DST: variants seen among roughly 807,000 people sequenced by gnomAD.
DST encodes dystonin.
In DST, 253 loss-of-function variants were observed where a neutral mutation model predicts 875.2. That is an observed-to-expected ratio of 0.29 (90% CI 0.26 to 0.32). DST has a LOEUF of 0.32. Ranked by LOEUF, DST falls within the 10% of genes least tolerant of loss-of-function variation. DST has a pLI of 1.00. For synonymous variants in DST, 3,124 were observed against 3,197.1 expected (o/e 0.98, Z 0.77); for missense variants, 8,287 against 9,111.6 (o/e 0.91, Z 3.68).
chr6:56,884,868 A>G (rs555561560), intron 3 of DST, among the ~76,000 whole-genome samples: 2 of 152,202 alleles, frequency 1.3e-5, no homozygotes, highest in South Asian at 4.2e-4. Flanking sequence ...AGCTGAGACT[A>G]CAGGCACGTG....
intron 4 of DST, among the ~76,000 whole-genome samples, chr6:56,824,752 A>G (rs1223606330): frequency 3.3e-5 from 5 of 150,488 alleles, no homozygotes; most frequent in Non-Finnish European, 5.9e-5. Flanking sequence ...CTGAGAAGTG[A>G]GGAGTCCCTC....
chr6:56,668,487 A>G (rs2099083101), intron 10 of DST, among the ~76,000 whole-genome samples: 1 of 152,206 alleles, frequency 6.6e-6, no homozygotes, highest in South Asian at 2.1e-4. Flanking sequence ...CATGCCTGTA[A>G]TCCTAGCACA....
Position 56,570,159 on chromosome 6 carries a change from A to T in DST, c.13722-147T>A, listed in dbSNP as rs55670456. 0.02 allele frequency: 11,242 copies of T among 569,150 alleles called. 979 individuals are homozygous for T. The highest frequency in any genetic ancestry group is 0.19 in the African/African-American group (9,863 of 51,390). The allele number at this position is 569,150 out of a possible 1,614,324, so 35.3% of individuals were successfully genotyped here. ...GGAAAGGTTTCATAGGTGACAACTG[A>T]AATCAGCTAAATCAGTAGTCCCCAG... On this transcript the variant is annotated intron_variant, in intron 53 of 103. Transcript: ENST00000680361.
intron 9 of DST, among the ~76,000 whole-genome samples, chr6:56,672,263 G>T (rs532421857): frequency 1.3e-5 from 2 of 152,236 alleles, no homozygotes; most frequent in South Asian, 4.1e-4. Context: ...ATGATGGGGG[G>T]CCTCACACAC....
intron 3 of DST, among the ~76,000 whole-genome samples, chr6:56,856,263 G>A (rs556627354): frequency 2.0e-5 from 3 of 152,264 alleles, no homozygotes; most frequent in South Asian, 2.1e-4. Flanking sequence ...ATTGGATGCC[G>A]CCCAGCCTTA....
rs564845376 is a variant in DST at position 56,951,969 on chromosome 6, AT to A, written c.216+1815del. Among the ~76,000 whole-genome samples, 805 of 150,544 alleles carry A rather than the reference AT, an allele frequency of 5.3e-3. 4 individuals carry two copies. The highest frequency in any genetic ancestry group is 0.016 in the African/African-American group (650 of 41,066). ...TTCAGGAACTAGCACCCACTAGGAG[AT>A]TTTTTTTTTCATTCATTCATTCAAT... On this transcript the variant is annotated intron_variant, in intron 2 of 103. Coordinates refer to ENST00000680361, the MANE Select transcript of DST (RefSeq NM_001374736.1).
intron 4 of DST, among the ~76,000 whole-genome samples, chr6:56,778,959 A>T (rs1465940842): frequency 6.6e-6 from 1 of 152,054 alleles, no homozygotes; most frequent in African/African-American, 2.4e-5. Flanking sequence ...GAATCACCAC[A>T]CTGACTTCCA....
chr6:56,560,312 G>C lies in DST; in HGVS notation c.14422C>G (p.Gln4808Glu). The change falls in exon 58 of 104, where the codon CAG becomes GAG. Residue 4808 changes from glutamine (Q) to glutamate (E), a missense_variant. Around this residue, in one of 10 missense-constraint regions of DST, gnomAD observed 1,513 missense variants for 1,677.8 expected, o/e 0.90. Coordinates refer to ENST00000680361, the MANE Select transcript of DST (RefSeq NM_001374736.1). Reference protein sequence around the residue: ...PDTPEAPRWKQMLTEIDSKWQ... With the variant: ...PDTPEAPRWKEMLTEIDSKWQ... ...AACATACCTATTTCTGTCAACATCT[G>C]TTTCCATCTGGGGGCCTCAGGAGTA... is the stretch of plus-strand genomic sequence containing the variant. The C allele has an allele frequency of 1.2e-6, 2 of 1,610,160 alleles. No homozygotes were observed. Among genetic ancestry groups the C allele is most frequent in the Non-Finnish European group, 1.7e-6 (2 of 1,178,018 alleles).
intron 3 of DST, among the ~76,000 whole-genome samples, chr6:56,898,430 G>A (rs1241503143): frequency 6.6e-6 from 1 of 152,190 alleles, no homozygotes; most frequent in Non-Finnish European, 1.5e-5. Flanking sequence ...AATAATGATG[G>A]TTGAGAGTTT....
In DST at chr6:56,476,136, A is replaced by T. The variant is rs1464509916; in HGVS notation, c.21864+13T>A. The T allele has an allele frequency of 5.0e-6, 8 of 1,587,206 alleles. No homozygotes were observed. Among genetic ancestry groups the T allele is most frequent in the Non-Finnish European group, 6.9e-6 (8 of 1,164,488 alleles). On this transcript the variant is annotated intron_variant, in intron 92 of 103. Coordinates refer to ENST00000680361, the MANE Select transcript of DST (RefSeq NM_001374736.1). ...ATAATGGTTAACAGGAGTTAGGATT[A>T]TATTTATTTTACCTGGTGTTCTGCA...
chr6:56,583,226 T>C (rs2098062267), intron 49 of DST, among the ~76,000 whole-genome samples: 3 of 152,198 alleles, frequency 2.0e-5, no homozygotes, highest in African/African-American at 7.2e-5. Context: ...TGTAAAAGTG[T>C]TCCTATTTCT....
At chr6:56,741,945 TG>T (rs1173410309) in intron 4 of DST, among the ~76,000 whole-genome samples, 3 of 151,998 alleles carry the variant, frequency 2.0e-5, no homozygotes, top group East Asian at 1.9e-4. Context: ...ATAACAGAAT[TG>T]GGGGGGAACA....
intron 67 of DST, 69 bp downstream of exon 67, chr6:56,528,772 T>A: frequency 8.8e-7 from 1 of 1,135,408 alleles, no homozygotes; most frequent in Non-Finnish European, 1.3e-6. Flanking sequence ...TTTTTTCCCA[T>A]CCCTAAAATA....
Position 56,494,180 on chromosome 6 carries a change from C to T in DST, c.20224G>A (p.Glu6742Lys), listed in dbSNP as rs200718530. The T allele has an allele frequency of 2.8e-5, 44 of 1,593,308 alleles. No homozygotes were observed. Among genetic ancestry groups the T allele is most frequent in the Non-Finnish European group, 3.8e-5 (44 of 1,168,696 alleles). The part of the protein sequence containing the change: ...TAKEQLNVHM[E>K]VCAAFEAKEE... ...TTAGCTTCAAAGGCAGCACAGACTTCCTAAATTGAGATACCCTCAAGTTAT... is the reference window on the plus strand; with the variant it reads ...TTAGCTTCAAAGGCAGCACAGACTTTCTAAATTGAGATACCCTCAAGTTAT... The change falls in exon 83 of 104, where the codon GAA becomes AAA. Residue 6742 changes from glutamate (E) to lysine (K), a missense_variant and splice_region_variant. By Grantham distance (56) the Glu-to-Lys change is moderately conservative (BLOSUM62 1). Transcript: ENST00000680361.
intron 72 of DST, among the ~76,000 whole-genome samples, chr6:56,512,642 A>G (rs891892634): frequency 7.2e-5 from 11 of 152,178 alleles, no homozygotes; most frequent in Non-Finnish European, 1.5e-4. Context: ...TCTAATTTCT[A>G]TCAGTCACCA....
Position 56,822,889 on chromosome 6 carries a change from G to A in DST, c.625+28508C>T, listed in dbSNP as rs186234651. ...GTCACCCAGGCTGGAGTGCAGTGGC[G>A]CAATCTTGGCTCACTGCAACCTCCG... On this transcript the variant is annotated intron_variant, in intron 4 of 103. Transcript: ENST00000680361. Among the ~76,000 whole-genome samples the A allele has an allele frequency of 9.2e-5, 14 of 151,534 alleles. No individual in the cohort carries two copies. In the East Asian group the frequency reaches 9.7e-4, roughly 10 times the overall value.
rs570342819 is a variant in DST at position 56,470,022 on chromosome 6, T to G, written c.22477-65A>C. The G allele has an allele frequency of 2.6e-5, 42 of 1,603,926 alleles. No homozygotes were observed. The South Asian group carries it at 3.7e-4, about 14-fold the overall frequency. ...TATTACATAGTACAATCCTTAAAAC[T>G]TTGACACAACAATTAGAGTGAAAAT... On this transcript the variant is annotated intron_variant, in intron 96 of 103. Coordinates refer to ENST00000680361, the MANE Select transcript of DST (RefSeq NM_001374736.1).
intron 5 of DST, among the ~76,000 whole-genome samples, chr6:56,716,669 T>C (rs1469112859): frequency 1.3e-5 from 2 of 152,156 alleles, no homozygotes; most frequent in Non-Finnish European, 2.9e-5. Context: ...AGAGATCAGA[T>C]CTAACCAACC....
intron 10 of DST, among the ~76,000 whole-genome samples, chr6:56,669,815 A>C (rs1410585534): frequency 1.3e-5 from 2 of 152,048 alleles, no homozygotes; most frequent in Non-Finnish European, 2.9e-5. Context: ...TTGTGAGGAG[A>C]AAATGAATTA....
Sources: gnomAD v4.1 joint callset for allele counts (sites outside exome capture counted in the v4.1 genomes callset) on GRCh38, gnomAD v4.1.1 for gene constraint, gnomAD v4.1.1 regional missense constraint, MANE v1.5 for transcripts, NCBI Gene and HGNC (gene_info 2026-07-23, HGNC 2026-07-21) for gene names.